Variants in PLCB1 observed in about 807,000 individuals in gnomAD.
PLCB1 encodes the protein phospholipase C beta 1, also known as 1-phosphatidylinositol 4,5-bisphosphate phosphodiesterase beta-1.
A neutral mutation model predicts 161.8 loss-of-function variants in PLCB1; 46 were observed. The ratio of observed to expected loss-of-function variants is 0.28; its 90% confidence interval spans 0.22 to 0.36. PLCB1 has a LOEUF of 0.36. Among genes scored for constraint, PLCB1 ranks in the 10% least tolerant of loss-of-function variants. The pLI, the probability that PLCB1 is intolerant of heterozygous loss-of-function variation, is 1.00. For synonymous variants in PLCB1, 517 were observed against 503.7 expected (o/e 1.03, Z -0.35); for missense variants, 1,016 against 1,472.5 (o/e 0.69, Z 5.07).
chr20:8,813,884 C>G (rs1235910598), intron 31 of PLCB1, among the ~76,000 whole-genome samples: 1 of 152,002 alleles, frequency 6.6e-6, no homozygotes, highest in Non-Finnish European at 1.5e-5. Context: ...GACAAACTGG[C>G]TTTTGACTTT....
intron 3 of PLCB1, among the ~76,000 whole-genome samples, chr20:8,476,459 TA>T (rs1982286188): frequency 6.6e-6 from 1 of 152,218 alleles, no homozygotes; most frequent in Non-Finnish European, 1.5e-5. Flanking sequence ...AAAAAGAATC[TA>T]ATATTCTACT....
At chr20:8,584,037 C>G (rs949804341) in intron 3 of PLCB1, among the ~76,000 whole-genome samples, 1 of 152,076 alleles carries the variant, frequency 6.6e-6, no homozygotes, top group African/African-American at 2.4e-5. Flanking sequence ...ACGGAGCACT[C>G]TAGCAGAGAA....
intron 3 of PLCB1, among the ~76,000 whole-genome samples, chr20:8,479,014 A>C (rs1438194927): frequency 6.6e-6 from 1 of 152,182 alleles, no homozygotes; most frequent in African/African-American, 2.4e-5. Context: ...GTTGTCATTA[A>C]TTCTTCATTG....
In PLCB1 at chr20:8,308,572, G is replaced by A. The variant is rs561650420; in HGVS notation, c.178-62810G>A. Among the ~76,000 whole-genome samples the A allele has an allele frequency of 4.0e-5, 6 of 148,186 alleles. No individual in the cohort carries two copies. The East Asian group carries it at 6.0e-4, about 15-fold the overall frequency. The stretch of plus-strand genomic sequence containing the variant: ...GCAAAGGTTGCAGTGAGCCGAGACC[G>A]TGCCACTGCGCTGCAGTCTGGGCAA... On this transcript the variant is annotated intron_variant, in intron 2 of 31. Coordinates refer to ENST00000338037, the MANE Select transcript of PLCB1 (RefSeq NM_015192.4).
chr20:8,851,471 G>A lies in PLCB1; in HGVS notation c.3424-30151G>A, dbSNP rs149539406. ...ACTGGGCTGCAAAATAACCCTGAGT[G>A]TCTACTCAACTTTCAGTTCGAAGTG... On this transcript the variant is annotated intron_variant, in intron 31 of 31. Coordinates refer to ENST00000338037, the MANE Select transcript of PLCB1 (RefSeq NM_015192.4). 2.6e-5 allele frequency among the ~76,000 whole-genome samples: 4 copies of A among 152,296 alleles called. No individual in the cohort carries two copies. The East Asian group carries it at 5.8e-4, about 22-fold the overall frequency.
intron 3 of PLCB1, among the ~76,000 whole-genome samples, chr20:8,575,605 G>A (rs1253798037): frequency 6.6e-6 from 1 of 152,200 alleles, no homozygotes; most frequent in Non-Finnish European, 1.5e-5. Flanking sequence ...TGGTGGACAG[G>A]TTTATTTCAC....
chr20:8,164,362 T>G (rs2051655657), intron 2 of PLCB1, among the ~76,000 whole-genome samples: 1 of 152,184 alleles, frequency 6.6e-6, no homozygotes, highest in Admixed American at 6.5e-5. Context: ...TAGTCCACCC[T>G]TTTCTCACCG....
chr20:8,501,864 CATATATATATATATAT>C lies in PLCB1; in HGVS notation c.247-126393_247-126378del, dbSNP rs36226867. Among the ~76,000 whole-genome samples the C allele has an allele frequency of 1.4e-3, 143 of 104,700 alleles. 1 individual carries two copies. The highest frequency in any genetic ancestry group is 2.8e-3 in the African/African-American group (74 of 26,466). 68.7% of individuals were successfully genotyped at this position (104,700 alleles called of 152,430 possible). A position where few individuals can be genotyped will look rare whatever the true frequency, so the allele number is the denominator to read the frequency against. On this transcript the variant is annotated intron_variant, in intron 3 of 31. Transcript: ENST00000338037. ...TATTTTTTTTAAAAAAGATATATCG[CATATATATATATATAT>C]ATATATATATATATATATATATATA...
At chr20:8,253,511 G>A (rs895303680) in intron 2 of PLCB1, among the ~76,000 whole-genome samples, 1 of 151,886 alleles carries the variant, frequency 6.6e-6, no homozygotes, top group Non-Finnish European at 1.5e-5. Flanking sequence ...ATGATTTATT[G>A]CCTGGGGCTA....
intron 2 of PLCB1, among the ~76,000 whole-genome samples, chr20:8,225,732 G>A (rs536620401): frequency 6.6e-6 from 1 of 152,298 alleles, no homozygotes; most frequent in South Asian, 2.1e-4. Context: ...TTCCTTGAAA[G>A]GAACAGAGAA....
At chr20:8,444,212 G>A (rs186222556) in intron 3 of PLCB1, among the ~76,000 whole-genome samples, 20 of 133,078 alleles carry the variant, frequency 1.5e-4, no homozygotes, top group Admixed American at 6.4e-4. Context: ...ATGACAGGCC[G>A]CGGTGTGTGA....
At chr20:8,286,359 A>G (rs980563651) in intron 2 of PLCB1, among the ~76,000 whole-genome samples, 2 of 152,180 alleles carry the variant, frequency 1.3e-5, no homozygotes, top group African/African-American at 4.8e-5. Flanking sequence ...CTCAGCACCA[A>G]GTTTACGTGA....
intron 27 of PLCB1, among the ~76,000 whole-genome samples, chr20:8,779,848 AT>A (rs1424962518): frequency 6.6e-5 from 10 of 152,212 alleles, no homozygotes; most frequent in African/African-American, 2.4e-4. Context: ...TGAGTGTATT[AT>A]CTGTTGGTGA....
chr20:8,575,074 C>T (rs1276753050), intron 3 of PLCB1, among the ~76,000 whole-genome samples: 2 of 152,192 alleles, frequency 1.3e-5, no homozygotes, highest in Admixed American at 6.5e-5. Flanking sequence ...CCATTTAGTC[C>T]AACCCATAGA....
chr20:8,788,428 A>G (rs1983592461), intron 27 of PLCB1, 21 bp from the exon 28 acceptor site: 1 of 1,609,582 alleles, frequency 6.2e-7, no homozygotes, highest in South Asian at 1.1e-5. Flanking sequence ...GAAATAGCAA[A>G]CTGACATTTT....
intron 25 of PLCB1, among the ~76,000 whole-genome samples, chr20:8,762,660 G>A (rs1186522412): frequency 6.6e-6 from 1 of 152,114 alleles, no homozygotes; most frequent in African/African-American, 2.4e-5. Flanking sequence ...ACCATAATGA[G>A]TCAATTTGGG....
At chr20:8,738,167 G>C (rs149938181) in intron 20 of PLCB1, among the ~76,000 whole-genome samples, 8 of 152,330 alleles carry the variant, frequency 5.3e-5, no homozygotes, top group Admixed American at 4.6e-4. Context: ...TTTGAAAGCT[G>C]TCCTGAAAGT....
intron 2 of PLCB1, among the ~76,000 whole-genome samples, chr20:8,310,204 ATTTTC>A (rs1984335528): frequency 6.6e-6 from 1 of 152,070 alleles, no homozygotes; most frequent in Non-Finnish European, 1.5e-5. Flanking sequence ...CTTTGGAAAT[ATTTTC>A]TTTAAAGGAA....
chr20:8,732,248 A>G (rs1022715945), intron 18 of PLCB1: 1 of 152,060 alleles, frequency 6.6e-6, no homozygotes, highest in African/African-American at 2.4e-5. Context: ...GAATAATAGA[A>G]TCCTCTTTTA....
Sources: gnomAD v4.1 joint callset for allele counts (sites outside exome capture counted in the v4.1 genomes callset) on GRCh38, gnomAD v4.1.1 for gene constraint, MANE v1.5 for transcripts, NCBI Gene and HGNC (gene_info 2026-07-23, HGNC 2026-07-21) for gene names.